Variants in PKD1 observed in about 807,000 individuals in gnomAD.
The protein encoded by PKD1 is polycystin 1, transient receptor potential channel interacting.
In PKD1, 81 loss-of-function variants were observed where a neutral mutation model predicts 361.7. The observed-to-expected ratio is 0.22, with a 90% CI of 0.19 to 0.27. The LOEUF is 0.27. Ranked by LOEUF, PKD1 falls within the 10% of genes least tolerant of loss-of-function variation. The pLI, the probability that PKD1 is intolerant of heterozygous loss-of-function variation, is 1.00. For synonymous variants in PKD1, 3,615 were observed against 2,818.3 expected (o/e 1.28, Z -8.95); for missense variants, 6,399 against 6,118.3 (o/e 1.05, Z -1.53).
rs1412564175 is a variant in PKD1 at position 2,091,084 on chromosome 16, C to A, written c.11803G>T (p.Ala3935Ser). 7.3e-6 allele frequency: 11 copies of A among 1,508,118 alleles called. No homozygotes were observed. Among genetic ancestry groups the A allele is most frequent in the Non-Finnish European group, 8.8e-6 (10 of 1,133,804 alleles). The allele number at this position is 1,508,118 out of a possible 1,614,324, so 93.4% of individuals were successfully genotyped here. Residue 3935 changes from alanine to serine, a missense_variant, in exon 43 of 46, where the codon GCC becomes TCC. Transcript: ENST00000262304. Reference sequence around the variant, plus strand: ...GCCACCAGCAGCCACCGCGCCCAGGCTCCGAGCCGCAGCACGCGCCAGCGC... The same window carrying A: ...GCCACCAGCAGCCACCGCGCCCAGGATCCGAGCCGCAGCACGCGCCAGCGC... Reference protein sequence around the residue: ...EGRWRVLRLGAWARWLLVALT... With the variant: ...EGRWRVLRLGSWARWLLVALT...
chr16:2,112,630 C>T (rs1238923313), intron 13 of PKD1, 157 bp from the exon 14 acceptor site: 4 of 1,029,252 alleles, frequency 3.9e-6, no homozygotes, highest in East Asian at 2.6e-5. Flanking sequence ...TCCCGGCTCC[C>T]GTGCAGCCTC....
At chr16:2,116,769 C>A (rs1163467452) in intron 7 of PKD1, 64 bp downstream of exon 7, 68 of 1,115,376 alleles carry the variant, frequency 6.1e-5, no homozygotes, top group Non-Finnish European at 8.8e-5. Context: ...GGCTCCACCG[C>A]GGGCGCTCGG....
intron 40 of PKD1, 27 bp downstream of exon 40, chr16:2,092,020 G>C (rs368634612): frequency 6.2e-7 from 1 of 1,612,580 alleles, no homozygotes; most frequent in South Asian, 1.1e-5. Flanking sequence ...CCTTGGCGTA[G>C]ACGCCCGGGG....
intron 39 of PKD1, 121 bp from the exon 40 acceptor site, chr16:2,092,309 G>A: frequency 8.7e-7 from 1 of 1,153,434 alleles, no homozygotes; most frequent in East Asian, 2.6e-5. Flanking sequence ...CCTCCCAGCA[G>A]CCATCAATTA....
chr16:2,109,727 C>A lies in PKD1; in HGVS notation c.5440G>T (p.Gly1814Cys). 1 of 1,607,560 alleles carries A rather than the reference C, an allele frequency of 6.2e-7. No individual in the cohort carries two copies. The highest frequency in any genetic ancestry group is 8.5e-7 in the Non-Finnish European group (1 of 1,178,460). ...GAGGACCCGGCCGCCACGAAGCTGC[C>A]TCCGGGCTCGCTGGCCCTGATGCTG... ...GLSIRASEPG[G>C]SFVAAGSSVP... The change falls in exon 15 of 46, where the codon GGC (glycine) becomes TGC (cysteine). Residue 1814 changes from glycine (G) to cysteine (C), a missense_variant. Gly to Cys is a radical substitution (Grantham distance 159). Transcript: ENST00000262304.
rs371341183 is a variant in PKD1 at position 2,111,248 on chromosome 16, T to C, written c.3919A>G (p.Thr1307Ala). ...LRVEPAACIP[T>A]QPDARLTAYV... is the part of the protein sequence containing the mutation. ...GCCGTGAGCCGCGCGTCAGGCTGCG[T>C]GGGGATGCAGGCGGCGGGTTCAACG... is the stretch of plus-strand genomic sequence containing the variant. Residue 1307 changes from threonine (T) to alanine (A), a missense_variant, in exon 15 of 46, where the codon ACG becomes GCG. Transcript: ENST00000262304. 6.8e-6 allele frequency: 11 copies of C among 1,610,464 alleles called. No individual in the cohort carries two copies. The highest frequency in any genetic ancestry group is 9.3e-6 in the Non-Finnish European group (11 of 1,179,610).
Position 2,094,105 on chromosome 16 carries a change from C to A in PKD1, c.10605G>T (p.Arg3535Ser), listed in dbSNP as rs978829654. The A allele has an allele frequency of 1.3e-6, 2 of 1,591,116 alleles. No individual in the cohort carries two copies. Among genetic ancestry groups the A allele is most frequent in the Non-Finnish European group, 1.7e-6 (2 of 1,168,216 alleles). ...ACGCAAGCACACCTGTCCTGGACAG[C>A]CTCGCTGCCTGGGGCTGTTCCCAGT... ...GLNWEQPQAA[R>S]LSRTGLVEGL... Residue 3535 changes from arginine (R) to serine (S), a missense_variant, in exon 35 of 46, where the codon AGG (arginine) becomes AGT (serine). Transcript: ENST00000262304.
At position 2,093,910 on chromosome 16, in the gene PKD1, C is replaced by T. The variant is rs780139877; in HGVS notation, c.10722G>A (p.Gly3574=). Residue 3574 remains glycine (G), a synonymous_variant, in exon 36 of 46, where the codon GGG becomes GGA. Transcript: ENST00000262304. ...CCGGGGGGAAGCTCGCACCCACCCA[C>T]CCTGAGACAGCCACAGCCACAGCCA... ...LLVAVAVAVS[G]WVGASFPPGV... is the part of the protein sequence containing the mutation. 4 of 1,581,570 alleles carry T rather than the reference C, an allele frequency of 2.5e-6. No homozygotes were observed. Among genetic ancestry groups the T allele is most frequent in the South Asian group, 1.1e-5 (1 of 87,920 alleles).
Position 2,111,527 on chromosome 16 carries a change from C to G in PKD1, c.3640G>C (p.Gly1214Arg). Residue 1214 changes from glycine to arginine, a missense_variant, in exon 15 of 46, where the codon GGA becomes CGA. Coordinates refer to ENST00000262304, the MANE Select transcript of PKD1 (RefSeq NM_001009944.3). ...ADVRVFEELR[G>R]LSVDMSLAVE... ...GCCAGGCTCATGTCCACGCTGAGTCCGCGGAGCTCCTCAAAGACGCGCACA... is the reference window on the plus strand; with the variant it reads ...GCCAGGCTCATGTCCACGCTGAGTCGGCGGAGCTCCTCAAAGACGCGCACA... The G allele has an allele frequency of 6.2e-7, 1 of 1,606,424 alleles. No homozygotes were observed. The highest frequency in any genetic ancestry group is 8.5e-7 in the Non-Finnish European group (1 of 1,177,294).
In PKD1 at chr16:2,111,171, A is replaced by C; in HGVS notation, c.3996T>G (p.Asp1332Glu). 1 of 1,611,366 alleles carries C rather than the reference A, an allele frequency of 6.2e-7. No individual in the cohort carries two copies. Among genetic ancestry groups the C allele is most frequent in the Admixed American group, 1.7e-5 (1 of 59,996 alleles). The change falls in exon 15 of 46, where the codon GAT (aspartate) becomes GAG (glutamate). Residue 1332 changes from aspartate to glutamate, a missense_variant. By Grantham distance (45) the Asp-to-Glu change is conservative. Transcript: ENST00000262304. ...AHYLFDWTFG[D>E]GSSNTTVRGC... is the part of the protein sequence containing the mutation. ...CCCGCACGGTCGTGTTGGAGGAGCC[A>C]TCCCCGAAGGTCCAGTCGAAGAGGT...
rs778900144 is a variant in PKD1, at chr16:2,111,820, T to A, written c.3347A>T (p.Gln1116Leu). The A allele has an allele frequency of 6.2e-6, 10 of 1,610,034 alleles. No individual in the cohort carries two copies. The highest frequency in any genetic ancestry group is 8.5e-6 in the Non-Finnish European group (10 of 1,179,368). ...LASNAFENLT[Q>L]QVPVSVRASL... ...GGCGCGCACGCTCACAGGCACCTGC[T>A]GCGTCAGGTTCTCGAAGGCATTAGA... Residue 1116 changes from glutamine to leucine, a missense_variant, in exon 15 of 46, where the codon CAG becomes CTG. By Grantham distance (113) the Gln-to-Leu change is moderately radical. Coordinates refer to ENST00000262304, the MANE Select transcript of PKD1 (RefSeq NM_001009944.3).
chr16:2,105,694 C>G, intron 20 of PKD1, 171 bp downstream of exon 20: 1 of 1,310,174 alleles, frequency 7.6e-7, no homozygotes, highest in Non-Finnish European at 1.1e-6. Flanking sequence ...CCGGAGAGGG[C>G]CCGGTGGGTG....
At chr16:2,126,770 G>A (rs2092804946) in intron 1 of PKD1, among the ~76,000 whole-genome samples, 2 of 152,254 alleles carry the variant, frequency 1.3e-5, no homozygotes, top group African/African-American at 4.8e-5. Context: ...TCCCTCCAAA[G>A]TATATTCCTT....
In PKD1 at chr16:2,093,537, G is replaced by C. The variant is rs931012462; in HGVS notation, c.11016+7C>G. On this transcript the variant is annotated splice_region_variant and intron_variant, in intron 37 of 45. Transcript: ENST00000262304. ...GTGGCAGGGGCACAGGCCGCACCCA[G>C]GCTCACCCGCAGCATGCCATGTAGC... The C allele has an allele frequency of 1.9e-6, 3 of 1,593,454 alleles. No individual in the cohort carries two copies. The highest frequency in any genetic ancestry group is 1.3e-5 in the African/African-American group (1 of 74,636).
rs757055929 is a variant in PKD1, at chr16:2,110,692, C to G, written c.4475G>C (p.Arg1492Pro). The change falls in exon 15 of 46, where the codon CGT becomes CCT. Residue 1492 changes from arginine (R) to proline (P), a missense_variant. Coordinates refer to ENST00000262304, the MANE Select transcript of PKD1 (RefSeq NM_001009944.3). Reference sequence around the variant, plus strand: ...CCACAGGTAGCTGGCGGGGCGCCCACGGCCCACAGCAGAGAACAGGTACGG... The same window carrying G: ...CCACAGGTAGCTGGCGGGGCGCCCAGGGCCCACAGCAGAGAACAGGTACGG... ...QQPYLFSAVG[R>P]GRPASYLWDL... 2.6e-5 allele frequency: 42 copies of G among 1,610,176 alleles called. No homozygotes were observed. Among genetic ancestry groups the G allele is most frequent in the Non-Finnish European group, 3.3e-5 (39 of 1,179,524 alleles).
chr16:2,094,084 A>G lies in PKD1; in HGVS notation c.10618+8T>C, dbSNP rs2091735628. 2 of 1,589,980 alleles carry G rather than the reference A, an allele frequency of 1.3e-6. No homozygotes were observed. Among genetic ancestry groups the G allele is most frequent in the Non-Finnish European group, 1.7e-6 (2 of 1,166,664 alleles). ...GGCTAGGGGCATCCCGGGGCTACGC[A>G]AGCACACCTGTCCTGGACAGCCTCG... is the stretch of plus-strand genomic sequence containing the variant. On this transcript the variant is annotated splice_region_variant and intron_variant, in intron 35 of 45. Coordinates refer to ENST00000262304, the MANE Select transcript of PKD1 (RefSeq NM_001009944.3).
chr16:2,105,801 G>T (rs1255841035), intron 20 of PKD1, 64 bp downstream of exon 20: 14 of 1,512,992 alleles, frequency 9.3e-6, no homozygotes, highest in African/African-American at 2.7e-5. Context: ...CCAGGCAGGG[G>T]TACAGGTCTT....
rs2091671645 is a variant in PKD1, at chr16:2,093,078, T to C, written c.11032A>G (p.Met3678Val). Reference protein sequence around the residue: ...HGMLRSLLVYMLFLLVTLLAS... With the variant: ...HGMLRSLLVYVLFLLVTLLAS... ...AGCAGGGTCACCAGCAGAAAAAGCATGTACACCAGGAGGCTCTGGTGGACG... is the reference window on the plus strand; with the variant it reads ...AGCAGGGTCACCAGCAGAAAAAGCACGTACACCAGGAGGCTCTGGTGGACG... The change falls in exon 38 of 46, where the codon ATG (methionine) becomes GTG (valine). Residue 3678 changes from methionine to valine, a missense_variant. Physicochemically the swap from Met to Val is conservative, Grantham distance 21. Coordinates refer to ENST00000262304, the MANE Select transcript of PKD1 (RefSeq NM_001009944.3). 1 of 1,612,744 alleles carries C rather than the reference T, an allele frequency of 6.2e-7. No homozygotes were observed. Among genetic ancestry groups the C allele is most frequent in the Non-Finnish European group, 8.5e-7 (1 of 1,179,966 alleles).
chr16:2,090,357 G>C lies in PKD1; in HGVS notation c.12372C>G (p.Pro4124=), dbSNP rs200323046. Reference sequence around the variant, plus strand: ...ACAACTCCACCATCTCGTAGTCCTGGGGCTCCCAGGCCGGCCGGTACAGCT... The same window carrying C: ...ACAACTCCACCATCTCGTAGTCCTGCGGCTCCCAGGCCGGCCGGTACAGCT... The part of the protein sequence containing the change: ...RGELYRPAWE[P]QDYEMVELFL... The change falls in exon 45 of 46, where the codon CCC becomes CCG. Residue 4124 remains proline (P), a synonymous_variant. Transcript: ENST00000262304. 6.2e-7 allele frequency: 1 copy of C among 1,612,610 alleles called. No individual in the cohort carries two copies. The highest frequency in any genetic ancestry group is 8.5e-7 in the Non-Finnish European group (1 of 1,179,892).
Sources: allele counts gnomAD v4.1 joint callset (sites outside exome capture counted in the v4.1 genomes callset), GRCh38; gene constraint gnomAD v4.1.1; transcripts MANE v1.5; gene names NCBI Gene and HGNC (gene_info 2026-07-23, HGNC 2026-07-21).